Variants in ZNF132 observed in about 807,000 individuals in gnomAD.
ZNF132 encodes zinc finger protein 132, also known as zinc finger protein 132 (clone pHZ-12).
In ZNF132, 6 loss-of-function variants were observed where a neutral mutation model predicts 9.3. The observed-to-expected ratio is 0.65, with a 90% CI of 0.35 to 1.28. The LOEUF (loss-of-function observed/expected upper bound fraction) is 1.28, where lower values mean the gene tolerates loss of function less well. Among genes scored for constraint, ZNF132 ranks in the 50% most tolerant of loss-of-function variants. The probability of loss-of-function intolerance (pLI) is 0.03; values close to 1 mark genes in which losing one functional copy is unlikely to be tolerated. For missense variants in ZNF132, 877 were observed against 843.2 expected, an observed-to-expected ratio of 1.04 and a Z score of -0.50; for synonymous variants, 296 against 292.0, an observed-to-expected ratio of 1.01 and a Z score of -0.14.
At position 58,434,445 on chromosome 19, in the gene ZNF132, T is replaced by C. The variant is rs2052761013; in HGVS notation, c.999A>G (p.Thr333=). Residue 333 remains threonine, a synonymous_variant, in exon 3 of 3, where the codon ACA becomes ACG. Coordinates refer to ENST00000254166, the MANE Select transcript of ZNF132 (RefSeq NM_003433.4). ...ACGKTFNHKL[T]FVHHQRIHSG... ...AGTGAATTCTCTGATGATGAACAAA[T>C]GTGAGTTTGTGGTTGAAGGTTTTCC... The C allele has an allele frequency of 6.2e-7, 1 of 1,614,134 alleles. No individual in the cohort carries two copies. The highest frequency in any genetic ancestry group is 1.7e-5 in the Admixed American group (1 of 60,008).
chr19:58,433,157 G>C lies in ZNF132; in HGVS notation c.*166C>G. ...CTTCTGCCTTATGCTGCATGGGTGA[G>C]ATGGCCCTGCAAAGGTTCCTGGGCT... On this transcript the variant is annotated 3_prime_UTR_variant, in exon 3 of 3. Coordinates refer to ENST00000254166, the MANE Select transcript of ZNF132 (RefSeq NM_003433.4). 1 of 707,502 alleles carries C rather than the reference G, an allele frequency of 1.4e-6. No individual in the cohort carries two copies. Among genetic ancestry groups the C allele is most frequent in the South Asian group, 1.9e-5 (1 of 51,648 alleles). 43.8% of individuals were successfully genotyped at this position (707,502 alleles called of 1,614,324 possible).
In ZNF132 at chr19:58,433,268, G is replaced by A. The variant is rs1303018412; in HGVS notation, c.*55C>T. The A allele has an allele frequency of 9.1e-6, 14 of 1,541,518 alleles. No individual in the cohort carries two copies. In the South Asian group the frequency reaches 1.5e-4, roughly 16 times the overall value. ...TTCTGGTATGGGGATTCTGCTGCATGAAGTTTGACTTGGCTGAAGATTTTC... is the reference window on the plus strand; with the variant it reads ...TTCTGGTATGGGGATTCTGCTGCATAAAGTTTGACTTGGCTGAAGATTTTC... On this transcript the variant is annotated 3_prime_UTR_variant, in exon 3 of 3. Coordinates refer to ENST00000254166, the MANE Select transcript of ZNF132 (RefSeq NM_003433.4).
rs1420209610 is a variant in ZNF132, at chr19:58,434,232, C to T, written c.1212G>A (p.Glu404=). ...QKVHTQVRPY[E]CSQCGKSFSR... ...TGAAGGATTTACCACATTGACTGCA[C>T]TCATAAGGTCTTACCTGTGTGTGAA... The change falls in exon 3 of 3, where the codon GAG becomes GAA. Residue 404 remains glutamate, a synonymous_variant. Coordinates refer to ENST00000254166, the MANE Select transcript of ZNF132 (RefSeq NM_003433.4). The T allele has an allele frequency of 1.9e-6, 3 of 1,613,918 alleles. No homozygotes were observed. The highest frequency in any genetic ancestry group is 2.2e-5 in the East Asian group (1 of 44,888).
rs761311070 is a variant in ZNF132 at position 58,433,298 on chromosome 19, A to G, written c.*25T>C. ...TTGACTTGGCTGAAGATTTTCTCAC[A>G]AAGACCACTTCCATAAGGCTCCACT... On this transcript the variant is annotated 3_prime_UTR_variant, in exon 3 of 3. Transcript: ENST00000254166. The G allele has an allele frequency of 3.8e-6, 6 of 1,583,216 alleles. No individual in the cohort carries two copies. The South Asian group carries it at 5.8e-5, about 15-fold the overall frequency.
In ZNF132 at chr19:58,433,579, G is replaced by C. The variant is rs1372614516; in HGVS notation, c.1865C>G (p.Thr622Ser). The C allele has an allele frequency of 1.2e-6, 2 of 1,614,098 alleles. No homozygotes were observed. The highest frequency in any genetic ancestry group is 2.7e-5 in the African/African-American group (2 of 74,928). The stretch of plus-strand genomic sequence containing the variant: ...ACTGCATTCGTAAGGCCTTTCTCCA[G>C]TGTGAACTCTCCAGTGACAAATAAG... ...SSLICHWRVH[T>S]GERPYECSEC... Residue 622 changes from threonine (T) to serine (S), a missense_variant, in exon 3 of 3, where the codon ACT becomes AGT. Coordinates refer to ENST00000254166, the MANE Select transcript of ZNF132 (RefSeq NM_003433.4).
At chr19:58,439,090 A>G (rs2052788115) in intron 1 of ZNF132, among the ~76,000 whole-genome samples, 1 of 152,052 alleles carries the variant, frequency 6.6e-6, no homozygotes, top group South Asian at 2.1e-4. Context: ...CAATCTTAAC[A>G]TTTCACTTTC....
Position 58,434,365 on chromosome 19 carries a change from G to C in ZNF132, c.1079C>G (p.Ser360Ter). 6.2e-7 allele frequency: 1 copy of C among 1,614,260 alleles called. No individual in the cohort carries two copies. The highest frequency in any genetic ancestry group is 8.5e-7 in the Non-Finnish European group (1 of 1,180,048). The change falls in exon 3 of 3, where the codon TCA (serine) becomes TGA (stop). Residue 360 changes from serine (S) to a stop codon, truncating the protein, a stop_gained. Coordinates refer to ENST00000254166, the MANE Select transcript of ZNF132 (RefSeq NM_003433.4). LOFTEE classifies it low-confidence loss of function (END_TRUNC). ...AACTTTCTCATGCCGAATGAGGTGTGATCTGTTACTGAAGGCTTTCCCACA... is the reference window on the plus strand; with the variant it reads ...AACTTTCTCATGCCGAATGAGGTGTCATCTGTTACTGAAGGCTTTCCCACA... ...DECGKAFSNR[S>*]HLIRHEKVHT...
rs750119209 is a variant in ZNF132, at chr19:58,439,765, C to T, written c.57G>A (p.Pro19=). The change falls in exon 1 of 3, where the codon CCG becomes CCA. Residue 19 remains proline, a synonymous_variant. Coordinates refer to ENST00000254166, the MANE Select transcript of ZNF132 (RefSeq NM_003433.4). ...LMGLPALLMG[P]AQHTSWPCGS... ...TGGGGCACACTCCACTTACCTGCGC[C>T]GGGCCCATCAGCAACGCTGGCAACC... 26 of 1,543,226 alleles carry T rather than the reference C, an allele frequency of 1.7e-5. No homozygotes were observed. Among genetic ancestry groups the T allele is most frequent in the South Asian group, 6.0e-5 (5 of 82,904 alleles).
intron 1 of ZNF132, among the ~76,000 whole-genome samples, chr19:58,438,384 A>T (rs994077969): frequency 6.6e-6 from 1 of 152,112 alleles, no homozygotes; most frequent in African/African-American, 2.4e-5. Context: ...GGACATCTCA[A>T]ATACAACATG....
chr19:58,435,446 A>C (rs886197285), intron 2 of ZNF132: 2 of 493,914 alleles, frequency 4.0e-6, no homozygotes, highest in Non-Finnish European at 7.2e-6. Context: ...AATGGGTCAA[A>C]GGACTTAAAT....
chr19:58,434,635 C>G lies in ZNF132; in HGVS notation c.809G>C (p.Gly270Ala). 6.2e-7 allele frequency: 1 copy of G among 1,614,204 alleles called. No individual in the cohort carries two copies. The highest frequency in any genetic ancestry group is 8.5e-7 in the Non-Finnish European group (1 of 1,180,044). ...GATTGATTTCTCCTCTAAGAAATTTCCACCTGTTGGGCATGTAAATGGTAT... is the reference window on the plus strand; with the variant it reads ...GATTGATTTCTCCTCTAAGAAATTTGCACCTGTTGGGCATGTAAATGGTAT... ...EEIPFTCPTG[G>A]NFLEEKSILG... The change falls in exon 3 of 3, where the codon GGA (glycine) becomes GCA (alanine). Residue 270 changes from glycine (G) to alanine (A), a missense_variant. Physicochemically the swap from Gly to Ala is moderately conservative, Grantham distance 60 (BLOSUM62 0). Transcript: ENST00000254166.
At chr19:58,439,017 G>A (rs1460095090) in intron 1 of ZNF132, among the ~76,000 whole-genome samples, 1 of 149,814 alleles carries the variant, frequency 6.7e-6, no homozygotes. Context: ...CAAGTGATCT[G>A]GCCGCCTTGG....
chr19:58,433,701 G>A lies in ZNF132; in HGVS notation c.1743C>T (p.Ser581=). The change falls in exon 3 of 3, where the codon AGC becomes AGT. Residue 581 remains serine, a synonymous_variant. Coordinates refer to ENST00000254166, the MANE Select transcript of ZNF132 (RefSeq NM_003433.4). ...YECNECGKFF[S]QNSILIKHQK... ...GATGCTTAATGAGAATGGAGTTTTGGCTAAAGAATTTCCCACATTCATTGC... is the reference window on the plus strand; with the variant it reads ...GATGCTTAATGAGAATGGAGTTTTGACTAAAGAATTTCCCACATTCATTGC... 6.2e-7 allele frequency: 1 copy of A among 1,612,316 alleles called. No individual in the cohort carries two copies. Among genetic ancestry groups the A allele is most frequent in the East Asian group, 2.2e-5 (1 of 44,874 alleles).
intron 1 of ZNF132, among the ~76,000 whole-genome samples, chr19:58,438,739 C>T (rs1350894649): frequency 6.6e-6 from 1 of 151,040 alleles, no homozygotes; most frequent in Non-Finnish European, 1.5e-5. Flanking sequence ...TCCCAAAGTG[C>T]TGGGATTACA....
At chr19:58,439,573 G>C (rs982756155) in intron 1 of ZNF132, among the ~76,000 whole-genome samples, 186 bp downstream of exon 1, 6 of 152,208 alleles carry the variant, frequency 3.9e-5, no homozygotes, top group African/African-American at 1.2e-4. Flanking sequence ...GGAATCCCTC[G>C]ATATAACCCC....
Position 58,433,786 on chromosome 19 carries a change from G to C in ZNF132, c.1658C>G (p.Ala553Gly). The C allele has an allele frequency of 1.9e-6, 3 of 1,614,032 alleles. No individual in the cohort carries two copies. The highest frequency in any genetic ancestry group is 1.7e-6 in the Non-Finnish European group (2 of 1,179,996). ...YECSECGKAF[A>G]HSSTLIEHWR... The stretch of plus-strand genomic sequence containing the variant: ...GTGTTCAATGAGAGTGGAGCTGTGA[G>C]CAAAGGCTTTCCCACACTCACTACA... The change falls in exon 3 of 3, where the codon GCT becomes GGT. Residue 553 changes from alanine to glycine, a missense_variant. Transcript: ENST00000254166.
rs144211910 is a variant in ZNF132, at chr19:58,434,604, A to G, written c.840T>C (p.Gly280=). Residue 280 remains glycine (G), a synonymous_variant, in exon 3 of 3, where the codon GGT becomes GGC. Coordinates refer to ENST00000254166, the MANE Select transcript of ZNF132 (RefSeq NM_003433.4). Reference sequence around the variant, plus strand: ...TTTCCCCAGTGTGAAACTTTTTATTACCAAGGATTGATTTCTCCTCTAAGA... The same window carrying G: ...TTTCCCCAGTGTGAAACTTTTTATTGCCAAGGATTGATTTCTCCTCTAAGA... ...GNFLEEKSIL[G]NKKFHTGEIP... 43 of 1,614,142 alleles carry G rather than the reference A, an allele frequency of 2.7e-5. No homozygotes were observed. The highest frequency in any genetic ancestry group is 3.3e-4 in the Middle Eastern group (2 of 6,062).
Position 58,432,996 on chromosome 19 carries a change from A to G in ZNF132, c.*327T>C. On this transcript the variant is annotated 3_prime_UTR_variant, in exon 3 of 3. Transcript: ENST00000254166. The stretch of plus-strand genomic sequence containing the variant: ...AGATTTCCCTCAAGGCCCCTCAACC[A>G]GCATCGGTTCAGCTGAGCACAGTCC... 4.9e-6 allele frequency: 1 copy of G among 206,148 alleles called. No individual in the cohort carries two copies. The highest frequency in any genetic ancestry group is 9.7e-6 in the Non-Finnish European group (1 of 103,592). 12.8% of individuals were successfully genotyped at this position (206,148 alleles called of 1,614,324 possible). A position where few individuals can be genotyped will look rare whatever the true frequency, so the allele number is the denominator to read the frequency against.
At chr19:58,438,181 C>T (rs1239403293) in intron 1 of ZNF132, among the ~76,000 whole-genome samples, 1 of 152,174 alleles carries the variant, frequency 6.6e-6, no homozygotes, top group Non-Finnish European at 1.5e-5. Context: ...CTACTTTTGC[C>T]GCTATGCTTC....
Sources: gnomAD v4.1 joint callset for allele counts (sites outside exome capture counted in the v4.1 genomes callset) on GRCh38, gnomAD v4.1.1 for gene constraint, MANE v1.5 for transcripts, NCBI Gene and HGNC (gene_info 2026-07-23, HGNC 2026-07-21) for gene names.